PDE4D: variants seen among roughly 807,000 people sequenced by gnomAD.
The protein encoded by PDE4D is 3',5'-cyclic-AMP phosphodiesterase 4D.
In PDE4D, 24 loss-of-function variants were observed where a neutral mutation model predicts 87.4. That is an observed-to-expected ratio of 0.27 (90% confidence interval 0.20 to 0.39). PDE4D has a LOEUF of 0.39. Ranked by LOEUF, PDE4D falls within the 10% of genes least tolerant of loss-of-function variation. The probability of loss-of-function intolerance (pLI) is 1.00; values close to 1 mark genes in which losing one functional copy is unlikely to be tolerated. For synonymous variants in PDE4D, 384 were observed against 383.2 expected, an observed-to-expected ratio of 1.00 and a Z score of -0.02; for missense variants, 714 against 1,041.0, an observed-to-expected ratio of 0.69 and a Z score of 4.32.
At chr5:59,374,339 C>G (rs897450870) in intron 1 of PDE4D, among the ~76,000 whole-genome samples, 2 of 152,038 alleles carry the variant, frequency 1.3e-5, no homozygotes, top group Non-Finnish European at 2.9e-5. Flanking sequence ...GAAAATCTAC[C>G]AAGCAAATGA....
intron 2 of PDE4D, among the ~76,000 whole-genome samples, chr5:60,121,628 T>C (rs911389648): frequency 6.6e-6 from 1 of 151,906 alleles, no homozygotes; most frequent in African/African-American, 2.4e-5. Flanking sequence ...ATTCTAATTA[T>C]CTCCCACCAA....
At chr5:59,859,809 G>A (rs565052612) in intron 1 of PDE4D, among the ~76,000 whole-genome samples, 9 of 152,304 alleles carry the variant, frequency 5.9e-5, no homozygotes, top group African/African-American at 1.9e-4. Context: ...ATGAGCTCCT[G>A]AGTGTGGATA....
chr5:59,050,576 A>G (rs1761392251), intron 5 of PDE4D, among the ~76,000 whole-genome samples: 1 of 152,204 alleles, frequency 6.6e-6, no homozygotes, highest in African/African-American at 2.4e-5. Flanking sequence ...TTAGTTTTAT[A>G]ATTTTACAAG....
chr5:60,246,266 C>T (rs1017467053), intron 1 of PDE4D, among the ~76,000 whole-genome samples: 43 of 151,552 alleles, frequency 2.8e-4, no homozygotes, highest in African/African-American at 9.9e-4. Flanking sequence ...TTTTGCTTGA[C>T]TCATGAGTTG....
rs114729345 is a variant in PDE4D, at chr5:58,996,394, A to G, written c.922-2929T>C. On this transcript the variant is annotated intron_variant, in intron 6 of 14. Transcript: ENST00000340635. ...GCTAAACATTTTAAACACACATTCA[A>G]TGAAATATCTCTTTGACCTAAAATT... 6.3e-3 allele frequency among the ~76,000 whole-genome samples: 953 copies of G among 152,316 alleles called. 8 individuals carry two copies. The highest frequency in any genetic ancestry group is 0.022 in the African/African-American group (903 of 41,572).
intron 1 of PDE4D, among the ~76,000 whole-genome samples, chr5:59,246,621 C>T (rs1758894369): frequency 6.6e-6 from 1 of 152,092 alleles, no homozygotes; most frequent in South Asian, 2.1e-4. Context: ...ACTATGATGA[C>T]TAATAGTTCT....
chr5:60,452,968 A>G (rs1280578600), intron 1 of PDE4D, among the ~76,000 whole-genome samples: 1 of 152,122 alleles, frequency 6.6e-6, no homozygotes, highest in Non-Finnish European at 1.5e-5. Flanking sequence ...TAAAATGGAA[A>G]GTGAGAGAAC....
chr5:60,338,329 T>C (rs972513916), intron 1 of PDE4D, among the ~76,000 whole-genome samples: 2 of 152,214 alleles, frequency 1.3e-5, no homozygotes, highest in African/African-American at 4.8e-5. Flanking sequence ...GCGCGCAAGA[T>C]GCCAAGGAGC....
chr5:60,103,736 C>T (rs1776504217), intron 2 of PDE4D, among the ~76,000 whole-genome samples: 1 of 152,136 alleles, frequency 6.6e-6, no homozygotes, highest in South Asian at 2.1e-4. Flanking sequence ...ATCATTCTAT[C>T]TGTCACTCTC....
At chr5:59,201,234 A>C (rs1450344653) in intron 2 of PDE4D, among the ~76,000 whole-genome samples, 1 of 152,154 alleles carries the variant, frequency 6.6e-6, no homozygotes, top group Non-Finnish European at 1.5e-5. Flanking sequence ...GACAAAGGTA[A>C]ATATTAAAAT....
intron 1 of PDE4D, among the ~76,000 whole-genome samples, chr5:60,298,159 A>G (rs985088863): frequency 5.3e-5 from 8 of 152,152 alleles, no homozygotes; most frequent in South Asian, 2.1e-4. Flanking sequence ...ATAAAAAAAA[A>G]AAAGATTACA....
At chr5:59,725,089 T>C (rs1348339241) in intron 1 of PDE4D, among the ~76,000 whole-genome samples, 1 of 152,026 alleles carries the variant, frequency 6.6e-6, no homozygotes, top group East Asian at 1.9e-4. Flanking sequence ...TTCTTTCCTC[T>C]TCTCCCTCCA....
At chr5:59,275,970 CCT>C in intron 1 of PDE4D, 1 of 985,188 alleles carries the variant, frequency 1.0e-6, no homozygotes, top group Non-Finnish European at 1.2e-6. Flanking sequence ...GGCTGATTTA[CCT>C]GCGAAAGTAA....
intron 1 of PDE4D, among the ~76,000 whole-genome samples, chr5:59,259,324 T>A (rs1471789097): frequency 4.0e-5 from 6 of 151,854 alleles, no homozygotes; most frequent in Non-Finnish European, 8.8e-5. Context: ...GAGTTCCAAA[T>A]TCATTTGACT....
intron 1 of PDE4D, among the ~76,000 whole-genome samples, chr5:59,461,869 A>G (rs1582717031): frequency 6.6e-6 from 1 of 152,094 alleles, no homozygotes; most frequent in African/African-American, 2.4e-5. Context: ...TCTACTCATG[A>G]TATATCTGGC....
intron 1 of PDE4D, among the ~76,000 whole-genome samples, chr5:59,641,054 A>T (rs1034819228): frequency 6.6e-6 from 1 of 152,124 alleles, no homozygotes; most frequent in Non-Finnish European, 1.5e-5. Flanking sequence ...ACCTGGAAGC[A>T]CTTTTTTTAT....
At position 59,311,030 on chromosome 5, in the gene PDE4D, A is replaced by T. The variant is rs374486359; in HGVS notation, c.456-95062T>A. Reference sequence around the variant, plus strand: ...TGCTCCAAACAAAGGTCACTGTAAGATCACAGTGTCAAAGGTACAGGTCAG... The same window carrying T: ...TGCTCCAAACAAAGGTCACTGTAAGTTCACAGTGTCAAAGGTACAGGTCAG... On this transcript the variant is annotated intron_variant, in intron 1 of 14. Coordinates refer to ENST00000340635, the MANE Select transcript of PDE4D (RefSeq NM_001104631.2). Among the ~76,000 whole-genome samples, 9 of 152,282 alleles carry T rather than the reference A, an allele frequency of 5.9e-5. 1 individual carries two copies. The highest frequency in any genetic ancestry group is 1.7e-4 in the African/African-American group (7 of 41,558).
At chr5:59,866,657 T>C (rs904111469) in intron 1 of PDE4D, among the ~76,000 whole-genome samples, 12 of 151,714 alleles carry the variant, frequency 7.9e-5, no homozygotes, top group Admixed American at 1.3e-4. Context: ...TGTAAAAAAA[T>C]AAAAATAAAA....
intron 1 of PDE4D, among the ~76,000 whole-genome samples, chr5:59,459,212 T>A (rs980586065): frequency 2.0e-5 from 3 of 152,180 alleles, no homozygotes; most frequent in South Asian, 2.1e-4. Context: ...CCAGGTGAAC[T>A]TTTTCTCCTT....
Sources: gnomAD v4.1 joint callset for allele counts (sites outside exome capture counted in the v4.1 genomes callset) on GRCh38, gnomAD v4.1.1 for gene constraint, MANE v1.5 for transcripts, NCBI Gene and HGNC (gene_info 2026-07-23, HGNC 2026-07-21) for gene names.